Variants in RNF145 observed in about 807,000 individuals in gnomAD.
The protein encoded by RNF145 is ring finger protein 145.
RNF145 carries 12 observed loss-of-function variants against 57.3 expected under a neutral mutation model. The ratio of observed to expected loss-of-function variants is 0.21; its 90% CI spans 0.13 to 0.34. The LOEUF is 0.34. Ranked by LOEUF, RNF145 falls within the 10% of genes least tolerant of loss-of-function variation. The probability of loss-of-function intolerance (pLI) is 1.00; values close to 1 mark genes in which losing one functional copy is unlikely to be tolerated. For synonymous variants in RNF145, 262 were observed against 288.3 expected, an observed-to-expected ratio of 0.91 and a Z score of 0.92; for missense variants, 429 against 799.0, an observed-to-expected ratio of 0.54 and a Z score of 5.58.
Position 159,208,199 on chromosome 5 carries a change from G to A in RNF145, c.-40+1032C>T, listed in dbSNP as rs1785969321. 3 of 1,337,454 alleles carry A rather than the reference G, an allele frequency of 2.2e-6. No homozygotes were observed. The East Asian group carries it at 9.3e-5, about 41-fold the overall frequency. 82.8% of individuals were successfully genotyped at this position (1,337,454 alleles called of 1,614,324 possible). A position where few individuals can be genotyped will look rare whatever the true frequency, so the allele number is the denominator to read the frequency against. On this transcript the variant is annotated intron_variant, in intron 1 of 10. Coordinates refer to ENST00000424310, the MANE Select transcript of RNF145 (RefSeq NM_001199383.2). ...CAACCCAGCTCGCGGCAAGCAGGCA[G>A]CGCAGCAGCAGTAGCAGCAGCAACC...
chr5:159,200,122 C>T (rs1785610972), intron 2 of RNF145, among the ~76,000 whole-genome samples: 1 of 152,096 alleles, frequency 6.6e-6, no homozygotes, highest in South Asian at 2.1e-4. Context: ...AAGAACCCAT[C>T]CTCCCCACCT....
chr5:159,186,413 C>G (rs1785057066), intron 3 of RNF145, among the ~76,000 whole-genome samples: 1 of 152,236 alleles, frequency 6.6e-6, no homozygotes, highest in South Asian at 2.1e-4. Context: ...GACTCAGACA[C>G]TGGACAACCT....
chr5:159,169,133 G>A (rs1784470331), intron 7 of RNF145, 78 bp from the exon 8 acceptor site: 9 of 1,132,786 alleles, frequency 7.9e-6, no homozygotes, highest in Non-Finnish European at 1.1e-5. Context: ...TAATCCAAAG[G>A]CTTAGACTCT....
In RNF145 at chr5:159,188,968, G is replaced by A. The variant is rs1785184106; in HGVS notation, c.293+5748C>T. The stretch of plus-strand genomic sequence containing the variant: ...TTTCCAATAAGGCTGGATATAGCCA[G>A]TTTTTTAAGTACGAAATTAATTGTT... On this transcript the variant is annotated intron_variant, in intron 3 of 10. Coordinates refer to ENST00000424310, the MANE Select transcript of RNF145 (RefSeq NM_001199383.2). Among the ~76,000 whole-genome samples the A allele has an allele frequency of 3.3e-5, 5 of 152,112 alleles. No individual in the cohort carries two copies. The South Asian group carries it at 1.0e-3, about 31-fold the overall frequency.
intron 1 of RNF145, chr5:159,207,474 C>T: frequency 6.6e-7 from 1 of 1,514,666 alleles, no homozygotes; most frequent in South Asian, 1.2e-5. Context: ...TCATCATTCA[C>T]CATTATCTCC....
chr5:159,208,226 G>GGCC (rs1785971171), intron 1 of RNF145: 10 of 1,185,476 alleles, frequency 8.4e-6, no homozygotes, highest in African/African-American at 4.6e-5. Flanking sequence ...GCAGCAACCG[G>GGCC]GCCGCCGCCG....
chr5:159,168,494 A>G (rs1165231930), intron 8 of RNF145, among the ~76,000 whole-genome samples: 4 of 152,046 alleles, frequency 2.6e-5, no homozygotes, highest in Non-Finnish European at 5.9e-5. Context: ...CCTTTAATTA[A>G]TTTACACAGA....
rs142674158 is a variant in RNF145, at chr5:159,197,042, T to A, written c.185-2218A>T. On this transcript the variant is annotated intron_variant, in intron 2 of 10. Coordinates refer to ENST00000424310, the MANE Select transcript of RNF145 (RefSeq NM_001199383.2). ...CACTTGCATTCCTAGACATGGAAGATCCAAAATTAATGTGAATAATAATCT... is the reference window on the plus strand; with the variant it reads ...CACTTGCATTCCTAGACATGGAAGAACCAAAATTAATGTGAATAATAATCT... Among the ~76,000 whole-genome samples, 9 of 152,332 alleles carry A rather than the reference T, an allele frequency of 5.9e-5. No homozygotes were observed. The East Asian group carries it at 1.7e-3, about 29-fold the overall frequency.
rs550700287 is a variant in RNF145, at chr5:159,197,116, C to T, written c.185-2292G>A. Among the ~76,000 whole-genome samples the T allele has an allele frequency of 1.8e-4, 28 of 152,190 alleles. 1 individual carries two copies. In the South Asian group the frequency reaches 5.4e-3, roughly 29 times the overall value. ...AAGTAATTATTAGACAAAATTGATG[C>T]TATAATAAATGAACATTGGAAGGGC... On this transcript the variant is annotated intron_variant, in intron 2 of 10. Coordinates refer to ENST00000424310, the MANE Select transcript of RNF145 (RefSeq NM_001199383.2).
At chr5:159,194,240 C>A (rs375467949) in intron 3 of RNF145, among the ~76,000 whole-genome samples, 1 of 152,330 alleles carries the variant, frequency 6.6e-6, no homozygotes, top group East Asian at 1.9e-4. Context: ...GCTCCTACAG[C>A]CTACTTTTAG....
chr5:159,175,659 G>A (rs1022802391), intron 5 of RNF145, among the ~76,000 whole-genome samples: 1 of 152,008 alleles, frequency 6.6e-6, no homozygotes, highest in Non-Finnish European at 1.5e-5. Flanking sequence ...CCCTTTTCTG[G>A]AAGATCTACT....
intron 6 of RNF145, among the ~76,000 whole-genome samples, chr5:159,173,613 G>A (rs865842791): frequency 1.3e-5 from 2 of 152,130 alleles, no homozygotes; most frequent in Non-Finnish European, 2.9e-5. Context: ...AGATTAATGT[G>A]AGGCAAAGTG....
intron 2 of RNF145, among the ~76,000 whole-genome samples, chr5:159,199,724 C>T (rs888666816): frequency 7.9e-5 from 12 of 152,154 alleles, no homozygotes; most frequent in Non-Finnish European, 1.5e-4. Context: ...TGACCCACCA[C>T]GACCTATAGA....
chr5:159,174,654 A>G (rs1447241641), intron 5 of RNF145, among the ~76,000 whole-genome samples: 1 of 152,242 alleles, frequency 6.6e-6, no homozygotes, highest in African/African-American at 2.4e-5. Flanking sequence ...AATTTTGCAG[A>G]GCAAAGATAG....
At chr5:159,193,668 TA>T (rs1221476387) in intron 3 of RNF145, among the ~76,000 whole-genome samples, 2 of 152,214 alleles carry the variant, frequency 1.3e-5, no homozygotes, top group African/African-American at 2.4e-5. Flanking sequence ...ACATTTTCTG[TA>T]TTTTCCAAAA....
At chr5:159,171,931 A>T (rs1784573331) in intron 6 of RNF145, among the ~76,000 whole-genome samples, 1 of 152,228 alleles carries the variant, frequency 6.6e-6, no homozygotes, top group South Asian at 2.1e-4. Context: ...TAGAAAAAGA[A>T]AAGAAAAAAA....
intron 6 of RNF145, 100 bp from the exon 7 acceptor site, chr5:159,169,919 T>C (rs1784493937): frequency 1.0e-6 from 1 of 984,352 alleles, no homozygotes; most frequent in Admixed American, 3.4e-5. Context: ...TTGATACTCA[T>C]TAATTAAAAC....
In RNF145 at chr5:159,173,873, C is replaced by T. The variant is rs1026135621; in HGVS notation, c.797+110G>A. 8 of 736,628 alleles carry T rather than the reference C, an allele frequency of 1.1e-5. No homozygotes were observed. In the South Asian group the frequency reaches 1.6e-4, roughly 14 times the overall value. 45.6% of individuals were successfully genotyped at this position (736,628 alleles called of 1,614,324 possible). On this transcript the variant is annotated intron_variant, in intron 6 of 10. Coordinates refer to ENST00000424310, the MANE Select transcript of RNF145 (RefSeq NM_001199383.2). ...ATGAAAATCCTATCTTAACAAAATA[C>T]GAAGTTGTGTAACATGAACGATAAA...
chr5:159,168,886 C>A lies in RNF145; in HGVS notation c.1108G>T (p.Ala370Ser). ...GAGGTTTCTTACTTGTCTCTAGATGCTCCCAGTGCCAAAACAATAGGATCT... is the reference window on the plus strand; with the variant it reads ...GAGGTTTCTTACTTGTCTCTAGATGATCCCAGTGCCAAAACAATAGGATCT... ...IADPIVLALGASRDKSLWKHF... is the reference protein window; with the variant it reads ...IADPIVLALGSSRDKSLWKHF... Residue 370 changes from alanine to serine, a missense_variant, in exon 8 of 11, where the codon GCA becomes TCA. By Grantham distance (99) the Ala-to-Ser change is moderately conservative. Around this residue, in one of 4 missense-constraint regions of RNF145, gnomAD observed 216 missense variants for 457.6 expected, o/e 0.47. Coordinates refer to ENST00000424310, the MANE Select transcript of RNF145 (RefSeq NM_001199383.2). 1 of 1,556,832 alleles carries A rather than the reference C, an allele frequency of 6.4e-7. No individual in the cohort carries two copies. The highest frequency in any genetic ancestry group is 8.6e-7 in the Non-Finnish European group (1 of 1,157,550).
Sources: gnomAD v4.1 joint callset for allele counts (sites outside exome capture counted in the v4.1 genomes callset) on GRCh38, gnomAD v4.1.1 for gene constraint, gnomAD v4.1.1 regional missense constraint, MANE v1.5 for transcripts, NCBI Gene and HGNC (gene_info 2026-07-23, HGNC 2026-07-21) for gene names.